ACACA: variants seen among roughly 807,000 people sequenced by gnomAD.
ACACA encodes acetyl-CoA carboxylase 1.
Under a neutral mutation model 296.1 loss-of-function variants are expected in ACACA, and 103 were observed. That is an observed-to-expected ratio of 0.35 (90% confidence interval 0.30 to 0.41). ACACA has a LOEUF of 0.41. ACACA is among the 10% of genes least tolerant of loss of function. The probability of loss-of-function intolerance (pLI) is 1.00; values close to 1 mark genes in which losing one functional copy is unlikely to be tolerated. For synonymous variants in ACACA, 953 were observed against 1,038.6 expected, an observed-to-expected ratio of 0.92 and a Z score of 1.58; for missense variants, 1,554 against 2,989.7, an observed-to-expected ratio of 0.52 and a Z score of 11.20.
In ACACA at chr17:37,301,441, A is replaced by C. The variant is rs991385757; in HGVS notation, c.339-16471T>G. 3 of 983,034 alleles carry C rather than the reference A, an allele frequency of 3.1e-6. 1 individual carries two copies. Among genetic ancestry groups the C allele is most frequent in the Middle Eastern group, 1.0e-3 (2 of 1,910 alleles). The allele number at this position is 983,034 out of a possible 1,614,324, so 60.9% of individuals were successfully genotyped here. A position where few individuals can be genotyped will look rare whatever the true frequency, so the allele number is the denominator to read the frequency against. ...CCAGCATTGTAACATGCCAAACACC[A>C]AGGATGACGTAGCAGTTTACCCGGC... On this transcript the variant is annotated intron_variant, in intron 3 of 55. Transcript: ENST00000616317.
intron 3 of ACACA, among the ~76,000 whole-genome samples, chr17:37,297,446 GAA>G (rs34538373): frequency 2.2e-4 from 26 of 116,584 alleles, no homozygotes; most frequent in African/African-American, 6.9e-4. Context: ...TGTCTCGAAA[GAA>G]AAAAAAAAAA....
chr17:37,319,297 T>G (rs2047235504), intron 3 of ACACA, among the ~76,000 whole-genome samples: 1 of 151,906 alleles, frequency 6.6e-6, no homozygotes, highest in South Asian at 2.1e-4. Flanking sequence ...AGATTAAAAT[T>G]TATTGAAATA....
chr17:37,230,783 G>A (rs1345722874), intron 25 of ACACA, among the ~76,000 whole-genome samples: 1 of 152,140 alleles, frequency 6.6e-6, no homozygotes, highest in Non-Finnish European at 1.5e-5. Context: ...ATTTTGTAAG[G>A]ATACCTTTAG....
At chr17:37,282,136 C>T (rs1426086421) in intron 5 of ACACA, among the ~76,000 whole-genome samples, 5 of 152,182 alleles carry the variant, frequency 3.3e-5, no homozygotes, top group Admixed American at 6.5e-5. Context: ...GAGGGCAGCT[C>T]CCTCATGAAT....
intron 1 of ACACA, chr17:37,391,932 T>C (rs761277161): frequency 2.8e-5 from 16 of 577,252 alleles, no homozygotes; most frequent in Non-Finnish European, 3.7e-5. Flanking sequence ...ATTCACTTCA[T>C]ACATCCATCT....
chr17:37,292,172 A>G (rs2083101219), intron 3 of ACACA, among the ~76,000 whole-genome samples: 1 of 152,206 alleles, frequency 6.6e-6, no homozygotes, highest in Admixed American at 6.5e-5. Context: ...ATATAACTGT[A>G]TAACATCATG....
chr17:37,196,193 G>A (rs1231909692), intron 35 of ACACA, among the ~76,000 whole-genome samples: 1 of 151,784 alleles, frequency 6.6e-6, no homozygotes, highest in Non-Finnish European at 1.5e-5. Context: ...TCAACATGCT[G>A]AGAACTAATT....
At chr17:37,182,907 G>C (rs2077379126) in intron 39 of ACACA, among the ~76,000 whole-genome samples, 1 of 152,158 alleles carries the variant, frequency 6.6e-6, no homozygotes, top group Non-Finnish European at 1.5e-5. Flanking sequence ...ACATGTCTCA[G>C]GCTGTTTTAA....
In ACACA at chr17:37,257,629, C is replaced by G. The variant is rs556186314; in HGVS notation, c.1826+74G>C. 131 of 1,471,718 alleles carry G rather than the reference C, an allele frequency of 8.9e-5. No homozygotes were observed. The Middle Eastern group carries it at 3.1e-3, about 35-fold the overall frequency. 91.2% of individuals were successfully genotyped at this position (1,471,718 alleles called of 1,614,324 possible). On this transcript the variant is annotated intron_variant, in intron 14 of 55. Transcript: ENST00000616317. ...ACTTTGACAGCAGATGATTCCTATT[C>G]CCATGCTCACACCTTCACTTAAGAT... is the stretch of plus-strand genomic sequence containing the variant.
intron 10 of ACACA, among the ~76,000 whole-genome samples, chr17:37,270,320 G>A (rs1395310289): frequency 2.0e-5 from 3 of 152,182 alleles, no homozygotes; most frequent in African/African-American, 7.2e-5. Context: ...CAATCAGAGA[G>A]CCTGGGCCTG....
chr17:37,161,567 T>C, intron 42 of ACACA: 1 of 626,128 alleles, frequency 1.6e-6, no homozygotes, highest in Non-Finnish European at 2.7e-6. Context: ...CAGCAACCTG[T>C]TTTATAGATG....
At chr17:37,233,044 A>G (rs1315294419) in intron 25 of ACACA, among the ~76,000 whole-genome samples, 2 of 152,156 alleles carry the variant, frequency 1.3e-5, no homozygotes, top group Non-Finnish European at 2.9e-5. Context: ...TGGGAGAAAA[A>G]AAGAACAGCG....
chr17:37,316,588 C>A lies in ACACA; in HGVS notation c.338+13585G>T, dbSNP rs114929497. 1.1e-3 allele frequency among the ~76,000 whole-genome samples: 169 copies of A among 152,270 alleles called. 1 individual carries two copies. The highest frequency in any genetic ancestry group is 3.6e-3 in the African/African-American group (148 of 41,550). On this transcript the variant is annotated intron_variant, in intron 3 of 55. Coordinates refer to ENST00000616317, the MANE Select transcript of ACACA (RefSeq NM_198834.3). ...GTGGAGAAAGGGGAAACCTCGTACA[C>A]TGTTGGTAGGAATATAAATTAGTAC...
At chr17:37,275,481 G>A (rs541292733) in intron 8 of ACACA, among the ~76,000 whole-genome samples, 1 of 128,646 alleles carries the variant, frequency 7.8e-6, no homozygotes, top group Non-Finnish European at 1.6e-5. Context: ...GGGCAACAGA[G>A]TGAGACTCCA....
chr17:37,155,567 G>T (rs982497705), intron 43 of ACACA, 116 bp downstream of exon 43: 3 of 779,754 alleles, frequency 3.8e-6, no homozygotes, highest in East Asian at 4.9e-5. Context: ...AAAACATCTA[G>T]ATTATGTCAT....
At chr17:37,111,754 ATTTTG>A (rs2073982696) in intron 51 of ACACA, 111 bp from the exon 52 acceptor site, 1 of 826,000 alleles carries the variant, frequency 1.2e-6, no homozygotes, top group Non-Finnish European at 2.0e-6. Flanking sequence ...CTTCATTATC[ATTTTG>A]CCCACCTATG....
chr17:37,225,339 T>G, intron 26 of ACACA: 1 of 486,130 alleles, frequency 2.1e-6, no homozygotes, highest in Admixed American at 3.2e-5. Flanking sequence ...TTTCCCATGG[T>G]GGGTAGGGGG....
rs571365010 is a variant in ACACA at position 37,260,192 on chromosome 17, CT to C, written c.1330-663del. Among the ~76,000 whole-genome samples the C allele has an allele frequency of 4.7e-5, 6 of 128,114 alleles. 1 individual carries two copies. The highest frequency in any genetic ancestry group is 1.8e-4 in the African/African-American group (6 of 33,852). 84.0% of individuals were successfully genotyped at this position (128,114 alleles called of 152,430 possible). ...CCACCATGCCTGGCCTGGTTAGTGGCTAAGTTTTGACAAACAGGACACCAGC... is the reference window on the plus strand; with the variant it reads ...CCACCATGCCTGGCCTGGTTAGTGGCAAGTTTTGACAAACAGGACACCAGC... On this transcript the variant is annotated intron_variant, in intron 11 of 55. Coordinates refer to ENST00000616317, the MANE Select transcript of ACACA (RefSeq NM_198834.3).
chr17:37,295,212 C>T (rs894391973), intron 3 of ACACA, among the ~76,000 whole-genome samples: 3 of 152,178 alleles, frequency 2.0e-5, no homozygotes, highest in South Asian at 2.1e-4. Flanking sequence ...AGAGTGGCCC[C>T]GGCCAGAAAC....
Sources: gnomAD v4.1 joint callset for allele counts (sites outside exome capture counted in the v4.1 genomes callset) on GRCh38, gnomAD v4.1.1 for gene constraint, MANE v1.5 for transcripts, NCBI Gene and HGNC (gene_info 2026-07-23, HGNC 2026-07-21) for gene names.